Variants in DPP6 observed in about 807,000 individuals in gnomAD.
The protein encoded by DPP6 is dipeptidyl peptidase like 6, also known as A-type potassium channel modulatory protein DPP6.
In DPP6, 69 loss-of-function variants were observed where a neutral mutation model predicts 122.6. That is an observed-to-expected ratio of 0.56 (90% CI 0.46 to 0.69). The LOEUF (loss-of-function observed/expected upper bound fraction) is 0.69. DPP6 is among the 30% of genes least tolerant of loss of function. The pLI is 0.00. For synonymous variants in DPP6, 418 were observed against 433.1 expected, an observed-to-expected ratio of 0.97 and a Z score of 0.43; for missense variants, 928 against 1,116.9, an observed-to-expected ratio of 0.83 and a Z score of 2.41.
chr7:153,811,270 G>A, the DPP6 span, among the ~76,000 whole-genome samples: 1 of 152,186 alleles, frequency 6.6e-6, no homozygotes, highest in Non-Finnish European at 1.5e-5. Flanking sequence ...TCTGATCAAT[G>A]TCCTCTTACT....
rs534016063 is a variant in DPP6 at position 154,184,622 on chromosome 7, G to T, written c.243+131559G>T. Among the ~76,000 whole-genome samples, 6 of 151,958 alleles carry T rather than the reference G, an allele frequency of 3.9e-5. No homozygotes were observed. In the South Asian group the frequency reaches 8.4e-4, roughly 21 times the overall value. On this transcript the variant is annotated intron_variant, in intron 1 of 25. Transcript: ENST00000377770. ...GAGTGAACAGATTAAAGCAATTTTG[G>T]AGGGTGAGTAAAAGGATACAAATCA...
chr7:154,809,866 T>TTTGTTG (rs200841399), intron 16 of DPP6, among the ~76,000 whole-genome samples: 5 of 152,098 alleles, frequency 3.3e-5, no homozygotes, highest in African/African-American at 4.8e-5. Context: ...CAACAGCTTA[T>TTTGTTG]TTGTTGTTGT....
rs201398387 is a variant in DPP6 at position 154,076,543 on chromosome 7, T to C, written c.243+23480T>C. On this transcript the variant is annotated intron_variant, in intron 1 of 25. Transcript: ENST00000377770. ...GAAGAGCAGATAATACAGAAGAACC[T>C]TAGAATAAAGCCTGAGATTAAGTAA... Among the ~76,000 whole-genome samples the C allele has an allele frequency of 1.3e-4, 20 of 150,862 alleles. No individual in the cohort carries two copies. In the East Asian group the frequency reaches 3.7e-3, roughly 28 times the overall value.
rs78321644 is a variant in DPP6 at position 153,923,381 on chromosome 7, G to A, written c.51+35647G>A. 3.9e-3 allele frequency among the ~76,000 whole-genome samples: 591 copies of A among 152,294 alleles called. 3 individuals carry two copies. The highest frequency in any genetic ancestry group is 0.014 in the African/African-American group (563 of 41,556). On this transcript the variant is annotated intron_variant, in intron 1 of 25. Transcript: ENST00000404039. ...ATGCTAAGTATTTGAAGTGGAACTTGCAGACAACCATGTGGAGTGATGGAT... is the reference window on the plus strand; with the variant it reads ...ATGCTAAGTATTTGAAGTGGAACTTACAGACAACCATGTGGAGTGATGGAT...
intron 16 of DPP6, among the ~76,000 whole-genome samples, chr7:154,839,486 A>C (rs1801345577): frequency 6.6e-6 from 1 of 152,218 alleles, no homozygotes; most frequent in African/African-American, 2.4e-5. Flanking sequence ...TTCCTCTGTG[A>C]AATGGGGACG....
intron 1 of DPP6, among the ~76,000 whole-genome samples, chr7:154,227,401 A>C (rs545250624): frequency 6.6e-6 from 1 of 151,982 alleles, no homozygotes; most frequent in African/African-American, 2.4e-5. Context: ...GGGGGTTGGG[A>C]GAAGGGAAAG....
Position 154,216,833 on chromosome 7 carries a change from G to T in DPP6, c.243+163770G>T, listed in dbSNP as rs1240376413. Among the ~76,000 whole-genome samples, 159 of 125,658 alleles carry T rather than the reference G, an allele frequency of 1.3e-3. 1 individual carries two copies. Among genetic ancestry groups the T allele is most frequent in the African/African-American group, 4.5e-3 (151 of 33,500 alleles). 82.4% of individuals were successfully genotyped at this position (125,658 alleles called of 152,430 possible). A position where few individuals can be genotyped will look rare whatever the true frequency, so the allele number is the denominator to read the frequency against. ...AGGTCATGTTTTTTGTGTTACTGTT[G>T]TTTTTTTTTTTTTTTTTCAAATTAT... is the stretch of plus-strand genomic sequence containing the variant. On this transcript the variant is annotated intron_variant, in intron 1 of 25. Transcript: ENST00000377770.
intron 3 of DPP6, among the ~76,000 whole-genome samples, chr7:154,510,164 C>T (rs984028096): frequency 6.6e-6 from 1 of 152,060 alleles, no homozygotes; most frequent in Non-Finnish European, 1.5e-5. Flanking sequence ...TACTGGCCTA[C>T]CCAGATGAAA....
intron 16 of DPP6, among the ~76,000 whole-genome samples, chr7:154,837,353 CAT>C (rs1491259610): frequency 0.023 from 3,491 of 152,198 alleles, 122 homozygotes; most frequent in African/African-American, 0.079. Context: ...CACATGCACA[CAT>C]GCATGCATAC....
chr7:154,128,592 G>A (rs1320705791), intron 1 of DPP6, among the ~76,000 whole-genome samples: 2 of 152,070 alleles, frequency 1.3e-5, no homozygotes, highest in African/African-American at 4.8e-5. Flanking sequence ...TAGTAGAGAC[G>A]GGGTTTCACC....
chr7:153,910,377 G>T (rs1451125552), intron 1 of DPP6, among the ~76,000 whole-genome samples: 2 of 151,876 alleles, frequency 1.3e-5, no homozygotes, highest in East Asian at 1.9e-4. Flanking sequence ...CTATAGGCAC[G>T]AGCCCACACC....
the DPP6 span, among the ~76,000 whole-genome samples, chr7:153,749,046 G>A: frequency 4.6e-5 from 7 of 152,122 alleles, no homozygotes; most frequent in Non-Finnish European, 1.0e-4. The surrounding 1 kb of genome is among the most constrained non-coding windows in gnomAD (Gnocchi z 4.1). Flanking sequence ...GTGCGGGGGC[G>A]TGGGGCGCAG....
intron 1 of DPP6, among the ~76,000 whole-genome samples, chr7:154,175,379 T>C (rs1797747519): frequency 6.6e-6 from 1 of 152,150 alleles, no homozygotes; most frequent in African/African-American, 2.4e-5. Context: ...GGACTCAGTG[T>C]GCAACTGGTG....
chr7:153,806,668 A>C, the DPP6 span, among the ~76,000 whole-genome samples: 10 of 152,058 alleles, frequency 6.6e-5, no homozygotes, highest in African/African-American at 2.2e-4. Flanking sequence ...AAATATAAAC[A>C]TCAAAATGCC....
intron 1 of DPP6, among the ~76,000 whole-genome samples, chr7:154,231,530 T>C (rs1293397606): frequency 5.9e-5 from 9 of 151,834 alleles, no homozygotes; most frequent in Admixed American, 5.9e-4. Context: ...AAACAGGAGG[T>C]GGTCACAGCA....
chr7:154,689,800 A>T (rs1839835671), intron 7 of DPP6, among the ~76,000 whole-genome samples: 2 of 152,250 alleles, frequency 1.3e-5, no homozygotes, highest in Admixed American at 1.3e-4. Context: ...TTTTACTGAA[A>T]GTCTCTGGCA....
chr7:154,892,240 G>GCC, intron 25 of DPP6, 94 bp from the exon 26 acceptor site: 1 of 1,547,934 alleles, frequency 6.5e-7, no homozygotes, highest in Non-Finnish European at 8.8e-7. Context: ...CCCGGACGGG[G>GCC]CCCAGGTTTC....
chr7:154,576,179 C>T (rs908901875), intron 5 of DPP6, among the ~76,000 whole-genome samples: 1 of 152,048 alleles, frequency 6.6e-6, no homozygotes, highest in Non-Finnish European at 1.5e-5. Context: ...CTTCCCCGTG[C>T]CCCCATCCCG....
At chr7:154,884,259 C>T (rs1038463891) in intron 21 of DPP6, 1 of 147,356 alleles carries the variant, frequency 6.8e-6, no homozygotes, top group Non-Finnish European at 1.5e-5. Context: ...ATTACATACA[C>T]ATGCTCACAC....
Sources: gnomAD v4.1 joint callset for allele counts (sites outside exome capture counted in the v4.1 genomes callset) on GRCh38, gnomAD v4.1.1 for gene constraint, Gnocchi (gnomAD v3.1) non-coding constraint, MANE v1.5 for transcripts, NCBI Gene and HGNC (gene_info 2026-07-23, HGNC 2026-07-21) for gene names.